The following ZNF488 variants were observed in gnomAD, a reference collection of about 807,000 sequenced individuals.
ZNF488 encodes zinc finger protein 488.
ZNF488 carries 1 observed loss-of-function variant against 1.2 expected under a neutral mutation model. The ratio of observed to expected loss-of-function variants is 0.86; its 90% CI spans 0.30 to 4.07. The LOEUF is 4.07. Ranked by LOEUF, ZNF488 falls within the 30% of genes most tolerant of loss-of-function variation. ZNF488 has a pLI of 0.18. For missense variants in ZNF488, 450 were observed against 437.9 expected, an observed-to-expected ratio of 1.03 and a Z score of -0.25; for synonymous variants, 185 against 190.1, an observed-to-expected ratio of 0.97 and a Z score of 0.22.
Position 47,366,717 on chromosome 10 carries a change from A to G in ZNF488, c.*1090T>C, listed in dbSNP as rs72792030. 2,919 of 167,200 alleles carry G rather than the reference A, an allele frequency of 0.017. 43 individuals carry two copies. The highest frequency in any genetic ancestry group is 0.027 in the Non-Finnish European group (1,866 of 68,110). The allele number at this position is 167,200 out of a possible 1,614,324, so 10.4% of individuals were successfully genotyped here. A position where few individuals can be genotyped will look rare whatever the true frequency, so the allele number is the denominator to read the frequency against. ...ACAGCTACTGACCGAAACGCAGTAG[A>G]TAATAAATGGTACCTAGAATGCTCC... is the stretch of plus-strand genomic sequence containing the variant. On this transcript the variant is annotated 3_prime_UTR_variant, in exon 2 of 2. Transcript: ENST00000585316.
chr10:47,368,938 C>T lies in ZNF488; in HGVS notation c.-108-1G>A. 1 of 1,352,486 alleles carries T rather than the reference C, an allele frequency of 7.4e-7. No homozygotes were observed. Among genetic ancestry groups the T allele is most frequent in the Non-Finnish European group, 1.0e-6 (1 of 994,492 alleles). 83.8% of individuals were successfully genotyped at this position (1,352,486 alleles called of 1,614,324 possible). On this transcript the variant is annotated splice_acceptor_variant, in intron 1 of 1. Transcript: ENST00000585316. LOFTEE classifies it low-confidence loss of function (5UTR_SPLICE). The stretch of plus-strand genomic sequence containing the variant: ...GCTGGACACACTCGGCCACAGGGCC[C>T]TGCAGAGAGAGGAAGCGACAGGCAG...
chr10:47,367,805 T>C lies in ZNF488; in HGVS notation c.*2A>G. On this transcript the variant is annotated 3_prime_UTR_variant, in exon 2 of 2. Transcript: ENST00000585316. ...CCCAGCAGGTCATTCTGCGGTCACC[T>C]GCTAGCTGTGAGAAGTCATGTGCCG... 4 of 1,606,384 alleles carry C rather than the reference T, an allele frequency of 2.5e-6. No homozygotes were observed. The highest frequency in any genetic ancestry group is 2.2e-5 in the South Asian group (2 of 89,698).
At chr10:47,377,674 C>CACACAT (rs1837739223) in intron 1 of ZNF488, among the ~76,000 whole-genome samples, 2 of 43,476 alleles carry the variant, frequency 4.6e-5, no homozygotes, top group African/African-American at 1.3e-4. Context: ...ATAACAATCA[C>CACACAT]ACACACACAC....
intron 1 of ZNF488, among the ~76,000 whole-genome samples, chr10:47,375,600 T>C (rs145982482): frequency 2.4e-4 from 36 of 152,396 alleles, no homozygotes; most frequent in African/African-American, 6.7e-4. Flanking sequence ...GCTGAGGGAC[T>C]ATTCTTCTAG....
At chr10:47,382,854 C>G (rs1588893219) in intron 1 of ZNF488, among the ~76,000 whole-genome samples, 1 of 152,174 alleles carries the variant, frequency 6.6e-6, no homozygotes, top group Admixed American at 6.5e-5. Context: ...ACTACAATAT[C>G]ATGTTAACTT....
At chr10:47,383,206 T>G (rs1433870703) in intron 1 of ZNF488, among the ~76,000 whole-genome samples, 1 of 151,056 alleles carries the variant, frequency 6.6e-6, no homozygotes, top group Non-Finnish European at 1.5e-5. Flanking sequence ...GTACATAAAA[T>G]CATTACTTTC....
intron 1 of ZNF488, among the ~76,000 whole-genome samples, chr10:47,370,592 G>A (rs1555213744): frequency 2.6e-5 from 4 of 152,220 alleles, no homozygotes; most frequent in African/African-American, 9.6e-5. Context: ...TGAAGGGTCA[G>A]ATCTGCCTAA....
intron 1 of ZNF488, among the ~76,000 whole-genome samples, chr10:47,377,670 A>AAC (rs1837735812): frequency 4.0e-5 from 1 of 25,234 alleles, no homozygotes. Flanking sequence ...AGCAATAACA[A>AAC]TCACACACAC....
chr10:47,368,681 A>G lies in ZNF488; in HGVS notation c.149T>C (p.Leu50Pro), dbSNP rs1837337778. ...ELGRGCKPVL[L>P]EKTNRLGPEA... ...AGGGCCCAGGCGGTTCGTCTTCTCG[A>G]GCAGCACTGGCTTGCAGCCCCGGCC... Residue 50 changes from leucine (L) to proline (P), a missense_variant, in exon 2 of 2, where the codon CTC becomes CCC. Physicochemically the swap from Leu to Pro is moderately conservative, Grantham distance 98. Transcript: ENST00000585316. 2.5e-6 allele frequency: 4 copies of G among 1,612,596 alleles called. No homozygotes were observed. Among genetic ancestry groups the G allele is most frequent in the Non-Finnish European group, 2.5e-6 (3 of 1,180,012 alleles).
Position 47,368,264 on chromosome 10 carries a change from A to C in ZNF488, c.566T>G (p.Leu189Arg), listed in dbSNP as rs782528302. 1.4e-5 allele frequency: 22 copies of C among 1,614,120 alleles called. No individual in the cohort carries two copies. The highest frequency in any genetic ancestry group is 1.6e-4 in the Middle Eastern group (1 of 6,084). The change falls in exon 2 of 2, where the codon CTG (leucine) becomes CGG (arginine). Residue 189 changes from leucine to arginine, a missense_variant. By Grantham distance (102) the Leu-to-Arg change is moderately radical. Transcript: ENST00000585316. ...GTTGAGGAGTCCAGACAGCTCCCCCAGGGCATCTGCAGATTCCCCTGCAGG... is the reference window on the plus strand; with the variant it reads ...GTTGAGGAGTCCAGACAGCTCCCCCCGGGCATCTGCAGATTCCCCTGCAGG... ...VFPAGESADA[L>R]GELSGLLNTT...
intron 1 of ZNF488, among the ~76,000 whole-genome samples, chr10:47,376,543 C>G (rs1837688223): frequency 6.6e-6 from 1 of 152,168 alleles, no homozygotes; most frequent in African/African-American, 2.4e-5. Context: ...CTCTGAAGAG[C>G]TCTGGGCTCC....
At chr10:47,377,979 A>T (rs961522859) in intron 1 of ZNF488, among the ~76,000 whole-genome samples, 1 of 152,124 alleles carries the variant, frequency 6.6e-6, no homozygotes, top group Non-Finnish European at 1.5e-5. Flanking sequence ...GAAGGACAAA[A>T]GTTGGAGCAA....
chr10:47,373,971 G>A (rs1837577735), intron 1 of ZNF488, among the ~76,000 whole-genome samples: 1 of 152,180 alleles, frequency 6.6e-6, no homozygotes, highest in Non-Finnish European at 1.5e-5. Flanking sequence ...GTTGAAATGT[G>A]CTGCCAAATC....
At chr10:47,382,462 T>C (rs1588892796) in intron 1 of ZNF488, among the ~76,000 whole-genome samples, 4 of 152,232 alleles carry the variant, frequency 2.6e-5, no homozygotes, top group Admixed American at 2.6e-4. Flanking sequence ...GGTGTGATTA[T>C]ATGTTTCAAA....
In ZNF488 at chr10:47,368,627, T is replaced by G; in HGVS notation, c.203A>C (p.Asp68Ala). The G allele has an allele frequency of 6.2e-7, 1 of 1,610,464 alleles. No homozygotes were observed. The highest frequency in any genetic ancestry group is 8.5e-7 in the Non-Finnish European group (1 of 1,179,760). ...CAGTGCCAGCTCCGCACTGCCCACA[T>G]CCCGGCCCGCCCTGCCCACAGCAGC... The part of the protein sequence containing the change: ...PEAAVGRAGR[D>A]VGSAELALLV... The change falls in exon 2 of 2, where the codon GAT (aspartate) becomes GCT (alanine). Residue 68 changes from aspartate to alanine, a missense_variant. Asp to Ala is a moderately radical substitution (Grantham distance 126, BLOSUM62 -2). Transcript: ENST00000585316.
chr10:47,370,317 T>G (rs1356680772), intron 1 of ZNF488, among the ~76,000 whole-genome samples: 1 of 152,236 alleles, frequency 6.6e-6, no homozygotes, highest in Non-Finnish European at 1.5e-5. Context: ...AATCAAACTA[T>G]GAAGCTCCAC....
rs187658197 is a variant in ZNF488 at position 47,380,494 on chromosome 10, C to A, written c.-109+3726G>T. 4.6e-5 allele frequency among the ~76,000 whole-genome samples: 7 copies of A among 152,418 alleles called. No individual in the cohort carries two copies. In the East Asian group the frequency reaches 7.7e-4, roughly 17 times the overall value. On this transcript the variant is annotated intron_variant, in intron 1 of 1. Coordinates refer to ENST00000585316, the MANE Select transcript of ZNF488 (RefSeq NM_153034.4). ...GAGCACATCTCCCAAAGGCTTCCAA[C>A]CAACCTGGGCCATCAACCAGGGTCC...
Position 47,367,911 on chromosome 10 carries a change from G to GT in ZNF488, c.918_919insA (p.Pro307ThrfsTer94), listed in dbSNP as rs1837277206. On this transcript the variant is annotated frameshift_variant, in exon 2 of 2. Transcript: ENST00000585316. LOFTEE classifies it high-confidence loss of function. The stretch of plus-strand genomic sequence containing the variant: ...TCTTCTCTCCGCTTCTGAGAATGTG[G>GT]GTCAGGCCCCGCATGCTCCTTTTTG... 1 of 1,613,944 alleles carries GT rather than the reference G, an allele frequency of 6.2e-7. No individual in the cohort carries two copies. Among genetic ancestry groups the GT allele is most frequent in the African/African-American group, 1.3e-5 (1 of 74,926 alleles).
chr10:47,375,507 T>C (rs1044880650), intron 1 of ZNF488, among the ~76,000 whole-genome samples: 1 of 152,210 alleles, frequency 6.6e-6, no homozygotes, highest in South Asian at 2.1e-4. Flanking sequence ...AAGAAAGTAA[T>C]GGAAAAAAAT....
Sources: gnomAD v4.1 joint callset for allele counts (sites outside exome capture counted in the v4.1 genomes callset) on GRCh38, gnomAD v4.1.1 for gene constraint, MANE v1.5 for transcripts, NCBI Gene and HGNC (gene_info 2026-07-23, HGNC 2026-07-21) for gene names.